Variants in CD99L2 observed in about 807,000 individuals in gnomAD.
CD99L2 encodes CD99 antigen-like protein 2.
Under a neutral mutation model 27.3 loss-of-function variants are expected in CD99L2, and 24 were observed. The ratio of observed to expected loss-of-function variants is 0.88; its 90% CI spans 0.64 to 1.24. The LOEUF (loss-of-function observed/expected upper bound fraction) is 1.24. CD99L2 is among the 50% of genes most tolerant of loss of function. The pLI is 0.00. For missense variants in CD99L2, 255 were observed against 221.6 expected (o/e 1.15, Z -0.96); for synonymous variants, 97 against 87.9 (o/e 1.10, Z -0.58).
At chrX:150,811,657 T>C (rs1033733533) in intron 4 of CD99L2, among the ~76,000 whole-genome samples, 31 of 111,481 alleles carry the variant, frequency 2.8e-4, no homozygotes, top group African/African-American at 9.5e-4. Flanking sequence ...CTCAACAAAA[T>C]ATAAGGATAC....
At chrX:150,786,230 A>T (rs1304206909) in intron 7 of CD99L2, among the ~76,000 whole-genome samples, 1 of 110,601 alleles carries the variant, frequency 9.0e-6, no homozygotes, top group African/African-American at 3.3e-5. Context: ...TTTTTTTTAA[A>T]AAATTTTAGG....
chrX:150,816,786 T>G (rs192408591), intron 2 of CD99L2, among the ~76,000 whole-genome samples: 5,925 of 107,710 alleles, frequency 0.055, 147 homozygotes, highest in South Asian at 0.13. Context: ...AGCAAAGACT[T>G]GGAACCAACC....
intron 1 of CD99L2, among the ~76,000 whole-genome samples, chrX:150,892,621 AAAAAAAAAAAG>A (rs1390721508): frequency 9.5e-6 from 1 of 105,803 alleles, no homozygotes; most frequent in Non-Finnish European, 1.9e-5. Context: ...AAAAAAAAAA[AAAAAAAAAAAG>A]AACAGAACAG....
At chrX:150,811,201 G>A (rs1557420351) in intron 4 of CD99L2, among the ~76,000 whole-genome samples, 1 of 111,888 alleles carries the variant, frequency 8.9e-6, no homozygotes, top group Non-Finnish European at 1.9e-5. Context: ...TTAGGGAAAT[G>A]CACATCAAAA....
intron 2 of CD99L2, among the ~76,000 whole-genome samples, chrX:150,817,758 G>A (rs2046184586): frequency 9.0e-6 from 1 of 111,397 alleles, no homozygotes; most frequent in South Asian, 3.7e-4. Flanking sequence ...GAATATCAGG[G>A]AGGAGAATTG....
intron 4 of CD99L2, among the ~76,000 whole-genome samples, chrX:150,809,011 A>G (rs2046036528): frequency 9.0e-6 from 1 of 110,919 alleles, no homozygotes; most frequent in South Asian, 3.9e-4. Context: ...AGAGTCAGAG[A>G]GAGATCTGAA....
chrX:150,776,106 T>A (rs1344702223), intron 9 of CD99L2, 68 bp downstream of exon 9: 24 of 1,174,394 alleles, frequency 2.0e-5, no homozygotes, highest in Non-Finnish European at 2.5e-5. Flanking sequence ...TCTGGATCTG[T>A]CCTGGCCCCT....
intron 7 of CD99L2, among the ~76,000 whole-genome samples, chrX:150,787,888 G>GTATATATATATATATATATATATATA (rs527795783): frequency 4.7e-5 from 3 of 63,861 alleles, no homozygotes; most frequent in African/African-American, 1.0e-4. Flanking sequence ...AGAACTTAAA[G>GTATATATATATATATATATATATATA]TATATATATA....
At chrX:150,787,888 G>GTATATATATATATATATATATA (rs527795783) in intron 7 of CD99L2, among the ~76,000 whole-genome samples, 12 of 63,856 alleles carry the variant, frequency 1.9e-4, no homozygotes, top group African/African-American at 5.0e-4. Flanking sequence ...AGAACTTAAA[G>GTATATATATATATATATATATA]TATATATATA....
chrX:150,837,199 T>C (rs1557421229), intron 1 of CD99L2, among the ~76,000 whole-genome samples: 2 of 111,490 alleles, frequency 1.8e-5, no homozygotes, highest in Admixed American at 9.5e-5. Context: ...ATATGTAAGA[T>C]GAGCTTGAAT....
chrX:150,865,375 T>C (rs1557422010), intron 1 of CD99L2, among the ~76,000 whole-genome samples: 3 of 110,740 alleles, frequency 2.7e-5, no homozygotes, highest in Non-Finnish European at 5.7e-5. Context: ...GGTGGGGGTA[T>C]GCCTGTAATT....
Position 150,818,795 on chromosome X carries a change from G to C in CD99L2, c.131-2717C>G, listed in dbSNP as rs146373344. On this transcript the variant is annotated intron_variant, in intron 2 of 10. Coordinates refer to ENST00000370377, the MANE Select transcript of CD99L2 (RefSeq NM_031462.4). The stretch of plus-strand genomic sequence containing the variant: ...CTTTGACACCGTCGCTGTCTAAGGT[G>C]AGTCCTTGGGCCAGGTCTCCTTCAA... The C allele has an allele frequency of 1.4e-4, 46 of 332,787 alleles. No homozygotes were observed. The East Asian group carries it at 3.5e-3, about 25-fold the overall frequency. 27.4% of individuals were successfully genotyped at this position (332,787 alleles called of 1,213,427 possible).
intron 1 of CD99L2, among the ~76,000 whole-genome samples, chrX:150,850,644 A>T (rs2046775949): frequency 8.9e-6 from 1 of 112,076 alleles, no homozygotes; most frequent in South Asian, 3.7e-4. Context: ...TGTGTGAAGG[A>T]CTAATATTTC....
chrX:150,870,762 C>T (rs781848489), intron 1 of CD99L2, among the ~76,000 whole-genome samples: 7 of 110,805 alleles, frequency 6.3e-5, no homozygotes, highest in African/African-American at 2.3e-4. Context: ...CTGCACTGCA[C>T]CCCCCCATCC....
chrX:150,794,957 G>C (rs2045768381), intron 6 of CD99L2, among the ~76,000 whole-genome samples: 1 of 112,716 alleles, frequency 8.9e-6, no homozygotes, highest in Non-Finnish European at 1.9e-5. Flanking sequence ...GTTCATTTTA[G>C]ATTGATTAAT....
At position 150,877,541 on chromosome X, in the gene CD99L2, G is replaced by T. The variant is rs782677467; in HGVS notation, c.67+20981C>A. ...AGAATCAAGAGCAAAACTAGGAAAG[G>T]CCAGGCATGGTGGCTCATACCTGTA... is the stretch of plus-strand genomic sequence containing the variant. On this transcript the variant is annotated intron_variant, in intron 1 of 10. Transcript: ENST00000370377. Among the ~76,000 whole-genome samples, 8 of 112,167 alleles carry T rather than the reference G, an allele frequency of 7.1e-5. No homozygotes were observed. The East Asian group carries it at 1.7e-3, about 23-fold the overall frequency.
chrX:150,810,625 A>C lies in CD99L2; in HGVS notation c.277+4237T>G, dbSNP rs1168810577. Among the ~76,000 whole-genome samples, 3 of 111,908 alleles carry C rather than the reference A, an allele frequency of 2.7e-5. No homozygotes were observed. The Admixed American group carries it at 2.9e-4, about 11-fold the overall frequency. On this transcript the variant is annotated intron_variant, in intron 4 of 10. Coordinates refer to ENST00000370377, the MANE Select transcript of CD99L2 (RefSeq NM_031462.4). The stretch of plus-strand genomic sequence containing the variant: ...GAAAAATATATGAAAGTAGAAAAAA[A>C]TGAAATAAATAACAGAAGAACAATA...
intron 1 of CD99L2, among the ~76,000 whole-genome samples, chrX:150,847,719 T>C (rs2046723192): frequency 9.0e-6 from 1 of 110,670 alleles, no homozygotes; most frequent in African/African-American, 3.3e-5. Context: ...CTGAGTTCCC[T>C]GTTTGTTTCA....
intron 1 of CD99L2, among the ~76,000 whole-genome samples, chrX:150,880,681 A>G (rs2047311900): frequency 8.9e-6 from 1 of 111,744 alleles, no homozygotes; most frequent in Non-Finnish European, 1.9e-5. Context: ...TTAACAGGTA[A>G]ATCGTATGGT....
Sources: allele counts gnomAD v4.1 joint callset (sites outside exome capture counted in the v4.1 genomes callset), GRCh38; gene constraint gnomAD v4.1.1; transcripts MANE v1.5; gene names NCBI Gene and HGNC (gene_info 2026-07-23, HGNC 2026-07-21).